Variants in RBFOX1 observed in about 807,000 individuals in gnomAD.
RBFOX1 encodes the protein RNA binding fox-1 homolog 1, also known as RNA binding protein fox-1 homolog 1.
RBFOX1 carries 8 observed loss-of-function variants against 57.7 expected under a neutral mutation model. The ratio of observed to expected loss-of-function variants is 0.14; its 90% CI spans 0.08 to 0.25. The LOEUF (loss-of-function observed/expected upper bound fraction) is 0.25, where lower values mean the gene tolerates loss of function less well. Among genes scored for constraint, RBFOX1 ranks in the 10% least tolerant of loss-of-function variants. The probability of loss-of-function intolerance (pLI) is 1.00; values close to 1 mark genes in which losing one functional copy is unlikely to be tolerated. For synonymous variants in RBFOX1, 326 were observed against 222.4 expected (o/e 1.47, Z -4.15); for missense variants, 611 against 548.5 (o/e 1.11, Z -1.14).
chr16:5,432,779 T>C (rs1224758481), intron 1 of RBFOX1, among the ~76,000 whole-genome samples: 7 of 152,068 alleles, frequency 4.6e-5, no homozygotes, highest in Non-Finnish European at 1.0e-4. Context: ...CGTATTTTTC[T>C]TTGTTTCTTT....
At chr16:7,206,173 C>T (rs1489008973) in intron 4 of RBFOX1, among the ~76,000 whole-genome samples, 1 of 152,114 alleles carries the variant, frequency 6.6e-6, no homozygotes, top group Non-Finnish European at 1.5e-5. Context: ...TGGAGTAAGT[C>T]AGTAGAAACA....
In RBFOX1 at chr16:5,317,197, C is replaced by G. The variant is rs543268504; in HGVS notation, c.219+77092C>G. On this transcript the variant is annotated intron_variant, in intron 1 of 2. Coordinates refer to the RBFOX1 transcript ENST00000585867. ...CAATTCCCTTAATAAATCCTTTCTT[C>G]TCTCTCTCTCTCTCTCAATCTCTCG... Among the ~76,000 whole-genome samples, 7 of 149,374 alleles carry G rather than the reference C, an allele frequency of 4.7e-5. No homozygotes were observed. The South Asian group carries it at 1.3e-3, about 27-fold the overall frequency.
At chr16:6,213,727 C>T (rs1412090806) in intron 1 of RBFOX1, among the ~76,000 whole-genome samples, 1 of 152,148 alleles carries the variant, frequency 6.6e-6, no homozygotes, top group Non-Finnish European at 1.5e-5. Context: ...GAGAACCACC[C>T]CAACTTGTAT....
intron 1 of RBFOX1, among the ~76,000 whole-genome samples, chr16:6,172,135 C>T (rs1179045058): frequency 6.6e-6 from 1 of 151,880 alleles, no homozygotes; most frequent in African/African-American, 2.4e-5. Flanking sequence ...GTTTTTTTAT[C>T]ATTGGTCAAG....
chr16:6,235,971 T>C (rs1428889802), intron 1 of RBFOX1, among the ~76,000 whole-genome samples: 2 of 152,118 alleles, frequency 1.3e-5, no homozygotes, highest in Admixed American at 6.6e-5. Context: ...TTTACTCATG[T>C]AACCAACCAC....
At chr16:6,690,317 A>G (rs1485614821) in intron 3 of RBFOX1, among the ~76,000 whole-genome samples, 1 of 152,160 alleles carries the variant, frequency 6.6e-6, no homozygotes, top group Non-Finnish European at 1.5e-5. Flanking sequence ...AAGTGTGCTT[A>G]GAGTGATAAC....
In RBFOX1 at chr16:6,377,779, A is replaced by G. The variant is rs1254039647; in HGVS notation, c.-64+60722A>G. On this transcript the variant is annotated intron_variant, in intron 2 of 15. Coordinates refer to ENST00000550418, the MANE Select transcript of RBFOX1 (RefSeq NM_018723.4). The stretch of plus-strand genomic sequence containing the variant: ...CACTAAAATTTTAATCAGGAATGTA[A>G]TTTTAGATAGAGGCGGTAATGGAGT... Among the ~76,000 whole-genome samples, 89 of 152,182 alleles carry G rather than the reference A, an allele frequency of 5.8e-4. 1 individual carries two copies. Among genetic ancestry groups the G allele is most frequent in the Non-Finnish European group, 2.9e-5 (2 of 68,036 alleles).
chr16:6,281,218 C>G, intron 1 of RBFOX1, among the ~76,000 whole-genome samples: 1 of 152,110 alleles, frequency 6.6e-6, no homozygotes, highest in Non-Finnish European at 1.5e-5. Context: ...TTACTCCATG[C>G]CCGGTGCTAG....
chr16:6,208,328 C>T (rs1250289143), intron 1 of RBFOX1, among the ~76,000 whole-genome samples: 1 of 151,952 alleles, frequency 6.6e-6, no homozygotes, highest in Non-Finnish European at 1.5e-5. Context: ...TGAAAGCAAA[C>T]ACCTATTGCA....
At chr16:7,124,585 G>C (rs1219334695) in intron 4 of RBFOX1, among the ~76,000 whole-genome samples, 1 of 97,758 alleles carries the variant, frequency 1.0e-5, no homozygotes. Flanking sequence ...CTTCCTTCCT[G>C]TAATAAGTTG....
At chr16:5,957,171 G>C (rs1310344233) in intron 4 of RBFOX1, among the ~76,000 whole-genome samples, 1 of 152,038 alleles carries the variant, frequency 6.6e-6, no homozygotes, top group African/African-American at 2.4e-5. Context: ...TTAGGTGATT[G>C]ATATGCTACG....
At chr16:7,165,467 T>C (rs1404740502) in intron 4 of RBFOX1, among the ~76,000 whole-genome samples, 2 of 151,340 alleles carry the variant, frequency 1.3e-5, no homozygotes, top group Non-Finnish European at 2.9e-5. Context: ...TTCGCTCTTG[T>C]TCCCCAGGCT....
chr16:5,371,024 T>G (rs1344688603), intron 1 of RBFOX1, among the ~76,000 whole-genome samples: 1 of 152,348 alleles, frequency 6.6e-6, no homozygotes, highest in East Asian at 1.9e-4. Flanking sequence ...CTTGGCTCAC[T>G]GCAACCTCTG....
intron 4 of RBFOX1, among the ~76,000 whole-genome samples, chr16:7,225,907 T>TCA (rs1555600477): frequency 2.3e-5 from 3 of 131,188 alleles, no homozygotes; most frequent in African/African-American, 9.8e-5. Flanking sequence ...GTATAATAAA[T>TCA]ATATATATAT....
intron 3 of RBFOX1, among the ~76,000 whole-genome samples, chr16:5,606,595 C>G (rs577930455): frequency 1.2e-4 from 19 of 152,174 alleles, no homozygotes; most frequent in Non-Finnish European, 1.8e-4. Flanking sequence ...GAATAAGACT[C>G]AAACCGTGCC....
At chr16:6,711,437 G>C (rs899970729) in intron 3 of RBFOX1, among the ~76,000 whole-genome samples, 7 of 152,160 alleles carry the variant, frequency 4.6e-5, no homozygotes, top group East Asian at 1.9e-4. Flanking sequence ...ATCTCATCTT[G>C]AATGGTAATC....
chr16:6,057,084 G>T (rs1266948319), intron 1 of RBFOX1: 1 of 137,518 alleles, frequency 7.3e-6, no homozygotes, highest in African/African-American at 2.6e-5. Context: ...CAGGAGGGGG[G>T]GGAATATTGC....
intron 2 of RBFOX1, among the ~76,000 whole-genome samples, chr16:6,504,345 A>G (rs767306222): frequency 6.6e-6 from 1 of 152,212 alleles, no homozygotes; most frequent in Non-Finnish European, 1.5e-5. Context: ...GCCCTTCACC[A>G]TCAGACAGTT....
intron 3 of RBFOX1, among the ~76,000 whole-genome samples, chr16:5,754,540 C>G (rs1163311426): frequency 3.0e-5 from 4 of 134,918 alleles, no homozygotes; most frequent in Non-Finnish European, 6.3e-5. Context: ...TCCCGCCAGC[C>G]TCTGAGTTCC....
Sources: allele counts gnomAD v4.1 joint callset (sites outside exome capture counted in the v4.1 genomes callset), GRCh38; gene constraint gnomAD v4.1.1; transcripts MANE v1.5; gene names NCBI Gene and HGNC (gene_info 2026-07-23, HGNC 2026-07-21).